The following ULK4 variants were observed in gnomAD, a reference collection of about 807,000 sequenced individuals.
ULK4 encodes inactive serine/threonine-protein kinase ULK4.
In ULK4, 133 loss-of-function variants were observed where a neutral mutation model predicts 160.6. The observed-to-expected ratio is 0.83, with a 90% CI of 0.72 to 0.96. ULK4 has a LOEUF of 0.96. Ranked by LOEUF, ULK4 falls within the 40% of genes least tolerant of loss-of-function variation. The pLI is 0.00. For synonymous variants in ULK4, 534 were observed against 539.8 expected, an observed-to-expected ratio of 0.99 and a Z score of 0.15; for missense variants, 1,580 against 1,499.5, an observed-to-expected ratio of 1.05 and a Z score of -0.89.
intron 25 of ULK4, among the ~76,000 whole-genome samples, chr3:41,713,342 A>G (rs1193792100): frequency 6.6e-6 from 1 of 152,210 alleles, no homozygotes; most frequent in African/African-American, 2.4e-5. Flanking sequence ...ACAATTCACA[A>G]TAATGTGCAC....
At chr3:41,430,916 T>A (rs2082889243) in intron 34 of ULK4, among the ~76,000 whole-genome samples, 1 of 151,374 alleles carries the variant, frequency 6.6e-6, no homozygotes, top group African/African-American at 2.4e-5. Flanking sequence ...GGGGTGGGGG[T>A]GGCAAAAATG....
intron 35 of ULK4, among the ~76,000 whole-genome samples, chr3:41,335,934 T>G (rs748875797): frequency 4.6e-5 from 7 of 152,132 alleles, no homozygotes; most frequent in Non-Finnish European, 1.0e-4. Flanking sequence ...GAAAAACAGG[T>G]TAAACACAGG....
At chr3:41,323,447 C>CA (rs1220905804) in intron 35 of ULK4, among the ~76,000 whole-genome samples, 1 of 133,978 alleles carries the variant, frequency 7.5e-6, no homozygotes, top group Non-Finnish European at 1.6e-5. Flanking sequence ...CACCAAAAAC[C>CA]AAAAAAACAG....
At chr3:41,256,542 C>A (rs553192834) in intron 35 of ULK4, among the ~76,000 whole-genome samples, 1 of 152,276 alleles carries the variant, frequency 6.6e-6, no homozygotes, top group African/African-American at 2.4e-5. Flanking sequence ...TATGCATAAA[C>A]ATCAACCTAG....
chr3:41,405,991 TTTTG>T (rs1444682097), intron 34 of ULK4, among the ~76,000 whole-genome samples: 2 of 152,170 alleles, frequency 1.3e-5, no homozygotes, highest in African/African-American at 4.8e-5. Flanking sequence ...GTCCATCAAT[TTTTG>T]TTTGTGTTGC....
At chr3:41,593,113 A>G (rs777884801) in intron 31 of ULK4, among the ~76,000 whole-genome samples, 3 of 152,168 alleles carry the variant, frequency 2.0e-5, no homozygotes, top group Non-Finnish European at 4.4e-5. Context: ...CAGTATTATC[A>G]TATTTTGTTT....
At chr3:41,728,093 T>C (rs540092551) in intron 22 of ULK4, among the ~76,000 whole-genome samples, 32 of 152,116 alleles carry the variant, frequency 2.1e-4, no homozygotes, top group Non-Finnish European at 3.7e-4. Context: ...CGGTAGCACA[T>C]GGAGAGTTGG....
intron 20 of ULK4, among the ~76,000 whole-genome samples, chr3:41,795,978 G>A (rs563501693): frequency 6.6e-6 from 1 of 152,276 alleles, no homozygotes; most frequent in Non-Finnish European, 1.5e-5. Flanking sequence ...TAAGGGAAAG[G>A]AAAGTATCAA....
At chr3:41,419,330 A>G (rs2082604732) in intron 34 of ULK4, among the ~76,000 whole-genome samples, 1 of 152,160 alleles carries the variant, frequency 6.6e-6, no homozygotes, top group Non-Finnish European at 1.5e-5. Context: ...AGAGGAGAGT[A>G]GGATAACATG....
intron 22 of ULK4, among the ~76,000 whole-genome samples, chr3:41,738,559 G>T (rs949290378): frequency 6.6e-6 from 1 of 151,846 alleles, no homozygotes; most frequent in Non-Finnish European, 1.5e-5. Context: ...GGAAATATCA[G>T]CAGTGAGTAC....
At chr3:41,455,074 A>G (rs1367369580) in intron 34 of ULK4, among the ~76,000 whole-genome samples, 3 of 151,968 alleles carry the variant, frequency 2.0e-5, no homozygotes, top group Admixed American at 6.6e-5. Context: ...TGCTTATTTC[A>G]TTCCATTTCT....
chr3:41,374,735 G>T (rs771404106), intron 35 of ULK4, among the ~76,000 whole-genome samples: 4 of 152,158 alleles, frequency 2.6e-5, no homozygotes, highest in African/African-American at 7.2e-5. Flanking sequence ...ACAAGACAAT[G>T]ATGCCCTCTC....
At chr3:41,535,563 C>T (rs1242924736) in intron 32 of ULK4, among the ~76,000 whole-genome samples, 1 of 152,156 alleles carries the variant, frequency 6.6e-6, no homozygotes, top group African/African-American at 2.4e-5. Flanking sequence ...ATGATTGAGG[C>T]AGAATTGATC....
chr3:41,949,337 A>ACACACACAC (rs1485286785), intron 2 of ULK4, among the ~76,000 whole-genome samples: 2 of 150,436 alleles, frequency 1.3e-5, no homozygotes, highest in Admixed American at 1.3e-4. Context: ...CACACACACA[A>ACACACACAC]AAAGTAAAGT....
At chr3:41,325,034 G>A (rs954438322) in intron 35 of ULK4, among the ~76,000 whole-genome samples, 2 of 152,172 alleles carry the variant, frequency 1.3e-5, no homozygotes, top group African/African-American at 4.8e-5. Context: ...GCAGGAAGAT[G>A]GGGGAGGACC....
intron 21 of ULK4, among the ~76,000 whole-genome samples, chr3:41,784,326 C>T (rs1447633851): frequency 6.6e-6 from 1 of 151,896 alleles, no homozygotes; most frequent in Non-Finnish European, 1.5e-5. Flanking sequence ...CCCAGCTACT[C>T]GGGAGCCTGA....
intron 20 of ULK4, among the ~76,000 whole-genome samples, chr3:41,796,669 G>GT (rs975410143): frequency 3.3e-5 from 5 of 152,088 alleles, no homozygotes; most frequent in Admixed American, 2.0e-4. Context: ...AATTCATGAG[G>GT]TTTTTTCAAA....
intron 19 of ULK4, among the ~76,000 whole-genome samples, chr3:41,805,151 A>T (rs1485572595): frequency 3.9e-5 from 6 of 152,104 alleles, no homozygotes; most frequent in African/African-American, 1.2e-4. Context: ...TATCCTCTTT[A>T]ATTTCATTGA....
chr3:41,448,779 C>T (rs760657559), intron 34 of ULK4, among the ~76,000 whole-genome samples: 4 of 151,982 alleles, frequency 2.6e-5, no homozygotes, highest in African/African-American at 4.8e-5. Flanking sequence ...GGCAGGATGG[C>T]GAAGGAAAAG....
Sources: gnomAD v4.1 joint callset for allele counts (sites outside exome capture counted in the v4.1 genomes callset) on GRCh38, gnomAD v4.1.1 for gene constraint, MANE v1.5 for transcripts, NCBI Gene and HGNC (gene_info 2026-07-23, HGNC 2026-07-21) for gene names.